The following MTUS2 variants were observed in gnomAD, a reference collection of about 807,000 sequenced individuals.
MTUS2 encodes the protein microtubule-associated tumor suppressor candidate 2.
Under a neutral mutation model 114.1 loss-of-function variants are expected in MTUS2, and 40 were observed. The observed-to-expected ratio is 0.35, with a 90% CI of 0.27 to 0.46. The LOEUF is 0.46. Among genes scored for constraint, MTUS2 ranks in the 20% least tolerant of loss-of-function variants. MTUS2 has a pLI of 1.00. For synonymous variants in MTUS2, 688 were observed against 672.0 expected (o/e 1.02, Z -0.37); for missense variants, 1,679 against 1,705.4 (o/e 0.98, Z 0.27).
chr13:29,399,290 A>C (rs1181024221), intron 8 of MTUS2, among the ~76,000 whole-genome samples: 1 of 152,134 alleles, frequency 6.6e-6, no homozygotes, highest in Admixed American at 6.5e-5. Context: ...CAGGTTCTTT[A>C]CTGCAACCTG....
intron 5 of MTUS2, among the ~76,000 whole-genome samples, chr13:29,119,020 G>C (rs993414367): frequency 1.3e-5 from 2 of 152,132 alleles, no homozygotes; most frequent in African/African-American, 2.4e-5. Flanking sequence ...TAAGGAAAAG[G>C]CTCCTAATAT....
chr13:29,268,888 C>A (rs1251385223), intron 5 of MTUS2, among the ~76,000 whole-genome samples: 2 of 152,072 alleles, frequency 1.3e-5, no homozygotes, highest in African/African-American at 4.8e-5. Context: ...CCACCATGCC[C>A]AGCTTTTTAC....
chr13:28,830,413 G>T (rs1245957485), intron 1 of MTUS2, among the ~76,000 whole-genome samples: 1 of 152,084 alleles, frequency 6.6e-6, no homozygotes, highest in Non-Finnish European at 1.5e-5. Flanking sequence ...GTAGAAAAAT[G>T]ATGTCTCTTC....
chr13:28,843,966 G>A (rs1875685622), intron 2 of MTUS2, among the ~76,000 whole-genome samples: 1 of 152,190 alleles, frequency 6.6e-6, no homozygotes, highest in South Asian at 2.1e-4. Flanking sequence ...GAGAATCCTG[G>A]AAAAGTTCCT....
chr13:28,925,979 A>G (rs1318727470), intron 2 of MTUS2, among the ~76,000 whole-genome samples: 1 of 152,232 alleles, frequency 6.6e-6, no homozygotes, highest in African/African-American at 2.4e-5. Flanking sequence ...TGTCCTAGTA[A>G]TAAAAATGCT....
intron 5 of MTUS2, among the ~76,000 whole-genome samples, chr13:29,253,087 T>TA (rs1897179836): frequency 6.6e-6 from 1 of 151,506 alleles, no homozygotes; most frequent in East Asian, 1.9e-4. Flanking sequence ...GCCTTTTTTT[T>TA]TTTTCTTCTC....
chr13:29,046,897 A>G (rs1887646912), intron 4 of MTUS2, among the ~76,000 whole-genome samples: 1 of 152,066 alleles, frequency 6.6e-6, no homozygotes, highest in African/African-American at 2.4e-5. Flanking sequence ...TGCCCACCTT[A>G]TCTAAAAAAA....
chr13:29,351,403 A>G lies in MTUS2; in HGVS notation c.2906-7859A>G, dbSNP rs1209494871. ...CTGTCATCTCTCCCATCCCCAAAAC[A>G]AAACAAGCCATAACAACAAACATCC... On this transcript the variant is annotated intron_variant, in intron 7 of 15. Transcript: ENST00000612955. 5.3e-5 allele frequency among the ~76,000 whole-genome samples: 8 copies of G among 152,042 alleles called. No homozygotes were observed. In the East Asian group the frequency reaches 1.5e-3, roughly 29 times the overall value.
intron 5 of MTUS2, among the ~76,000 whole-genome samples, chr13:29,202,609 C>G (rs1895006582): frequency 6.6e-6 from 1 of 152,168 alleles, no homozygotes; most frequent in Admixed American, 6.5e-5. Flanking sequence ...GAATTTTCAG[C>G]CTTTTTGCGC....
intron 4 of MTUS2, among the ~76,000 whole-genome samples, chr13:29,035,919 C>T (rs187615100): frequency 1.3e-4 from 19 of 151,994 alleles, no homozygotes; most frequent in South Asian, 2.1e-4. Context: ...CTGAGGTGGA[C>T]GGATCGCTGG....
intron 8 of MTUS2, among the ~76,000 whole-genome samples, chr13:29,396,125 C>T (rs2138465850): frequency 6.6e-6 from 1 of 152,228 alleles, no homozygotes; most frequent in East Asian, 1.9e-4. Flanking sequence ...AGAATTTGGC[C>T]AGTTGTGATG....
At chr13:28,900,362 C>T (rs78981614) in intron 2 of MTUS2, among the ~76,000 whole-genome samples, 6,440 of 152,130 alleles carry the variant, frequency 0.042, 462 homozygotes, top group African/African-American at 0.14. Flanking sequence ...TGTATCACTA[C>T]CACAGGCGAG....
intron 9 of MTUS2, among the ~76,000 whole-genome samples, chr13:29,447,166 G>C (rs922386412): frequency 1.3e-5 from 2 of 152,122 alleles, no homozygotes; most frequent in African/African-American, 4.8e-5. Flanking sequence ...AAGCATTTCA[G>C]ATAAGGTATA....
intron 8 of MTUS2, among the ~76,000 whole-genome samples, chr13:29,399,197 C>T (rs957365270): frequency 6.6e-6 from 1 of 152,192 alleles, no homozygotes; most frequent in African/African-American, 2.4e-5. Context: ...CATTTGTAAA[C>T]TGTCATGGCT....
intron 6 of MTUS2, among the ~76,000 whole-genome samples, chr13:29,300,324 G>A (rs1229608833): frequency 1.3e-5 from 2 of 152,094 alleles, no homozygotes; most frequent in African/African-American, 4.8e-5. Flanking sequence ...TCATTTAAGA[G>A]CATATACACA....
intron 2 of MTUS2, among the ~76,000 whole-genome samples, chr13:29,009,100 CAT>C (rs1273732787): frequency 6.6e-6 from 1 of 151,686 alleles, no homozygotes; most frequent in African/African-American, 2.4e-5. Context: ...TTTTAATTGT[CAT>C]ATTTTTTATT....
chr13:29,330,485 G>T (rs1900724140), intron 7 of MTUS2, among the ~76,000 whole-genome samples: 1 of 152,092 alleles, frequency 6.6e-6, no homozygotes, highest in Non-Finnish European at 1.5e-5. Flanking sequence ...ACAGCTTTTG[G>T]TGTTTTAGTC....
chr13:29,146,920 A>G (rs1249529979), intron 5 of MTUS2, among the ~76,000 whole-genome samples: 1 of 152,184 alleles, frequency 6.6e-6, no homozygotes, highest in Non-Finnish European at 1.5e-5. Context: ...GCATGAATGA[A>G]TAAAGGATGA....
Position 29,024,841 on chromosome 13 carries a change from A to G in MTUS2, c.143A>G (p.His48Arg), listed in dbSNP as rs1349532032. ...NQIMLEVSSS[H>R]DESKTCDLGD... ...ATCATGTTGGAGGTCAGCTCCTCTC[A>G]TGACGAGTCCAAGACATGTGACCTG... The change falls in exon 3 of 16, where the codon CAT (histidine) becomes CGT (arginine). Residue 48 changes from histidine (H) to arginine (R), a missense_variant. Around this residue, in one of 3 missense-constraint regions of MTUS2, gnomAD observed 843 missense variants for 770.8 expected, o/e 1.09. Transcript: ENST00000612955. The G allele has an allele frequency of 3.7e-6, 6 of 1,613,936 alleles. No individual in the cohort carries two copies. The highest frequency in any genetic ancestry group is 4.2e-6 in the Non-Finnish European group (5 of 1,179,904).
Sources: allele counts gnomAD v4.1 joint callset (sites outside exome capture counted in the v4.1 genomes callset), GRCh38; gene constraint gnomAD v4.1.1; regional missense constraint gnomAD v4.1.1; transcripts MANE v1.5; gene names NCBI Gene and HGNC (gene_info 2026-07-23, HGNC 2026-07-21).